The following SS18L1 variants were observed in gnomAD, a reference collection of about 807,000 sequenced individuals.
SS18L1 encodes calcium-responsive transactivator.
In SS18L1, 32 loss-of-function variants were observed where a neutral mutation model predicts 70.3. That is an observed-to-expected ratio of 0.46 (90% CI 0.34 to 0.61). SS18L1 has a LOEUF of 0.61. SS18L1 is among the 20% of genes least tolerant of loss of function. The pLI, the probability that SS18L1 is intolerant of heterozygous loss-of-function variation, is 0.01. For synonymous variants in SS18L1, 237 were observed against 229.7 expected, an observed-to-expected ratio of 1.03 and a Z score of -0.29; for missense variants, 430 against 542.1, an observed-to-expected ratio of 0.79 and a Z score of 2.05.
At position 62,179,220 on chromosome 20, in the gene SS18L1, T is replaced by C; in HGVS notation, c.*12T>C. 6.2e-7 allele frequency: 1 copy of C among 1,614,188 alleles called. No homozygotes were observed. Among genetic ancestry groups the C allele is most frequent in the Non-Finnish European group, 8.5e-7 (1 of 1,180,022 alleles). ...ATTACCAGCAGTAAGGGACACACAT[T>C]CTGGCTGGAGCCCTTGTGGTAGCGT... On this transcript the variant is annotated 3_prime_UTR_variant, in exon 11 of 11. Coordinates refer to ENST00000331758, the MANE Select transcript of SS18L1 (RefSeq NM_198935.3).
At chr20:62,153,343 A>G (rs1161275961) in intron 1 of SS18L1, among the ~76,000 whole-genome samples, 1 of 152,206 alleles carries the variant, frequency 6.6e-6, no homozygotes, top group African/African-American at 2.4e-5. Context: ...CTATCAGGGC[A>G]TGAGTAACCT....
chr20:62,177,252 TG>T (rs1260066370), intron 10 of SS18L1, among the ~76,000 whole-genome samples: 2 of 149,512 alleles, frequency 1.3e-5, no homozygotes, highest in Non-Finnish European at 3.0e-5. Context: ...TATTCCAGCA[TG>T]GGCAACAAGA....
At chr20:62,178,648 A>G (rs1338527577) in intron 10 of SS18L1, among the ~76,000 whole-genome samples, 1 of 152,210 alleles carries the variant, frequency 6.6e-6, no homozygotes, top group African/African-American at 2.4e-5. Flanking sequence ...CCTGGGCTCA[A>G]GCGATCCTCC....
At chr20:62,168,887 G>T (rs2145766370) in intron 8 of SS18L1, among the ~76,000 whole-genome samples, 1 of 152,328 alleles carries the variant, frequency 6.6e-6, no homozygotes, top group South Asian at 2.1e-4. Context: ...TGCTGGAATT[G>T]TTCCTGGTGA....
chr20:62,166,003 C>T (rs1489668249), intron 8 of SS18L1, among the ~76,000 whole-genome samples: 4 of 152,322 alleles, frequency 2.6e-5, no homozygotes, highest in East Asian at 1.9e-4. Context: ...GGGGGCTTGC[C>T]GCCCTTCATG....
At chr20:62,156,238 G>C (rs1428084667) in intron 1 of SS18L1, among the ~76,000 whole-genome samples, 1 of 152,196 alleles carries the variant, frequency 6.6e-6, no homozygotes, top group African/African-American at 2.4e-5. Flanking sequence ...CTGCCTGGGG[G>C]TTAGGAGTCA....
At position 62,165,004 on chromosome 20, in the gene SS18L1, A is replaced by G. The variant is rs77728200; in HGVS notation, c.824-418A>G. Among the ~76,000 whole-genome samples, 314 of 152,348 alleles carry G rather than the reference A, an allele frequency of 2.1e-3. 1 individual carries two copies. The highest frequency in any genetic ancestry group is 7.1e-3 in the African/African-American group (297 of 41,582). On this transcript the variant is annotated intron_variant, in intron 7 of 10. Coordinates refer to ENST00000331758, the MANE Select transcript of SS18L1 (RefSeq NM_198935.3). Reference sequence around the variant, plus strand: ...CAGCCAGCAAGGGGCAGGTGCACAGACAGGTGGGCAGGTGGCAGCAGGGCA... The same window carrying G: ...CAGCCAGCAAGGGGCAGGTGCACAGGCAGGTGGGCAGGTGGCAGCAGGGCA...
In SS18L1 at chr20:62,174,017, TA is replaced by T. The variant is rs59638414; in HGVS notation, c.1037-483del. ...TTGGGTGACAGAGTGACACCCTGCC[TA>T]AAAAAAAAAAAAAAAATTGGCCTCT... On this transcript the variant is annotated intron_variant, in intron 9 of 10. Transcript: ENST00000331758. This position sits in a 1 kb window ranked among gnomAD's most constrained non-coding sequence, Gnocchi z 4.1. Among the ~76,000 whole-genome samples, 11,607 of 133,580 alleles carry T rather than the reference TA, an allele frequency of 0.087. 503 individuals are homozygous for T. The highest frequency in any genetic ancestry group is 0.22 in the South Asian group (933 of 4,318). The allele number at this position is 133,580 out of a possible 152,430, so 87.6% of individuals were successfully genotyped here. A position where few individuals can be genotyped will look rare whatever the true frequency, so the allele number is the denominator to read the frequency against.
At position 62,158,524 on chromosome 20, in the gene SS18L1, C is replaced by A. The variant is rs1034421884; in HGVS notation, c.70-148C>A. 2.3e-6 allele frequency: 3 copies of A among 1,320,834 alleles called. No homozygotes were observed. Among genetic ancestry groups the A allele is most frequent in the Non-Finnish European group, 1.0e-6 (1 of 974,154 alleles). The allele number at this position is 1,320,834 out of a possible 1,614,324, so 81.8% of individuals were successfully genotyped here. ...AAACCGGTGGGTCTAATACAGATATCCCCAAATCTGGAAAAATCTGAAATC... is the reference window on the plus strand; with the variant it reads ...AAACCGGTGGGTCTAATACAGATATACCCAAATCTGGAAAAATCTGAAATC... On this transcript the variant is annotated intron_variant, in intron 1 of 10. Coordinates refer to ENST00000331758, the MANE Select transcript of SS18L1 (RefSeq NM_198935.3). The surrounding 1 kb of genome is among the most constrained non-coding windows in gnomAD (Gnocchi z 4.5).
rs2057712622 is a variant in SS18L1, at chr20:62,181,718, T to C, written c.*2510T>C. 2 of 222,270 alleles carry C rather than the reference T, an allele frequency of 9.0e-6. No individual in the cohort carries two copies. The highest frequency in any genetic ancestry group is 1.8e-5 in the Non-Finnish European group (2 of 110,998). The allele number at this position is 222,270 out of a possible 1,614,324, so 13.8% of individuals were successfully genotyped here. A position where few individuals can be genotyped will look rare whatever the true frequency, so the allele number is the denominator to read the frequency against. ...ATTTAATGTGCTGTCCATTTTTATG[T>C]AATATTATGGGGAAAGTGATGCCAG... On this transcript the variant is annotated 3_prime_UTR_variant, in exon 11 of 11. Transcript: ENST00000331758.
rs774243263 is a variant in SS18L1 at position 62,165,405 on chromosome 20, GT to G, written c.824-16del. 7 of 1,606,500 alleles carry G rather than the reference GT, an allele frequency of 4.4e-6. No homozygotes were observed. The highest frequency in any genetic ancestry group is 2.5e-6 in the Non-Finnish European group (3 of 1,177,630). On this transcript the variant is annotated splice_polypyrimidine_tract_variant and intron_variant, in intron 7 of 10. Coordinates refer to ENST00000331758, the MANE Select transcript of SS18L1 (RefSeq NM_198935.3). ...TGCACAGCCTCCGCTGACTGTCGCC[GT>G]CTCCGTTTCGCACAGGCCATGGCGA...
rs188544862 is a variant in SS18L1, at chr20:62,151,401, G to A, written c.70-7271G>A. Among the ~76,000 whole-genome samples, 7 of 152,326 alleles carry A rather than the reference G, an allele frequency of 4.6e-5. No homozygotes were observed. The South Asian group carries it at 8.3e-4, about 18-fold the overall frequency. ...CTCACCCACATGGTCCATTGCCATG[G>A]CCGTGGCTTCCGTGCCCCTTGGGTT... On this transcript the variant is annotated intron_variant, in intron 1 of 10. Coordinates refer to ENST00000331758, the MANE Select transcript of SS18L1 (RefSeq NM_198935.3).
intron 8 of SS18L1, among the ~76,000 whole-genome samples, chr20:62,166,033 C>G (rs773638583): frequency 6.6e-6 from 1 of 152,228 alleles, no homozygotes; most frequent in Admixed American, 6.5e-5. Context: ...GGCAGTGCTG[C>G]GCTGGGGGCT....
intron 8 of SS18L1, among the ~76,000 whole-genome samples, chr20:62,170,874 C>G (rs1325277535): frequency 6.6e-6 from 1 of 152,062 alleles, no homozygotes; most frequent in Admixed American, 6.5e-5. Flanking sequence ...TGGCCCGTTT[C>G]CTACAAACTG....
At chr20:62,155,844 C>T (rs768705263) in intron 1 of SS18L1, among the ~76,000 whole-genome samples, 6 of 152,174 alleles carry the variant, frequency 3.9e-5, no homozygotes, top group Non-Finnish European at 8.8e-5. Context: ...CAAACTCCCG[C>T]TGCTGCCATC....
At chr20:62,164,327 G>A (rs947140994) in intron 7 of SS18L1, 81 bp downstream of exon 7, 203 of 1,267,686 alleles carry the variant, frequency 1.6e-4, no homozygotes, top group Middle Eastern at 5.3e-4. Context: ...GGCAAGGAGG[G>A]TGTGGCCACT....
chr20:62,169,100 C>T (rs1183359869), intron 8 of SS18L1, among the ~76,000 whole-genome samples: 2 of 152,128 alleles, frequency 1.3e-5, no homozygotes, highest in African/African-American at 2.4e-5. Context: ...GTCCCGCGTT[C>T]GCGTCACAGT....
intron 9 of SS18L1, among the ~76,000 whole-genome samples, 177 bp downstream of exon 9, chr20:62,172,978 T>C (rs1271882938): frequency 6.6e-6 from 1 of 152,244 alleles, no homozygotes; most frequent in East Asian, 1.9e-4. Flanking sequence ...CTGCCACATG[T>C]GGGTACGTGC....
intron 10 of SS18L1, among the ~76,000 whole-genome samples, chr20:62,178,054 C>G (rs1416686086): frequency 7.2e-6 from 1 of 139,854 alleles, no homozygotes; most frequent in East Asian, 2.2e-4. Flanking sequence ...GGGTCTCACT[C>G]TGTCGCCCAG....
Sources: allele counts gnomAD v4.1 joint callset (sites outside exome capture counted in the v4.1 genomes callset), GRCh38; gene constraint gnomAD v4.1.1; non-coding constraint Gnocchi (gnomAD v3.1); transcripts MANE v1.5; gene names NCBI Gene and HGNC (gene_info 2026-07-23, HGNC 2026-07-21).